Variants in GFPT2 observed in about 807,000 individuals in gnomAD.
The protein encoded by GFPT2 is glutamine--fructose-6-phosphate transaminase 2.
A neutral mutation model predicts 85.6 loss-of-function variants in GFPT2; 62 were observed. That is an observed-to-expected ratio of 0.72 (90% CI 0.59 to 0.90). The LOEUF is 0.90. GFPT2 is among the 40% of genes least tolerant of loss of function. GFPT2 has a pLI of 0.00. For missense variants in GFPT2, 788 were observed against 893.4 expected (o/e 0.88, Z 1.50); for synonymous variants, 368 against 344.5 (o/e 1.07, Z -0.75).
chr5:180,314,031 CCTT>C (rs1763955153), intron 13 of GFPT2, 67 bp from the exon 14 acceptor site: 1 of 1,439,898 alleles, frequency 6.9e-7, no homozygotes, highest in East Asian at 2.6e-5. Flanking sequence ...ACCCCTTCCT[CCTT>C]CACCGCCGGC....
chr5:180,317,195 C>T (rs1561875655), intron 10 of GFPT2, 137 bp from the exon 11 acceptor site: 2 of 684,734 alleles, frequency 2.9e-6, no homozygotes, highest in Admixed American at 2.2e-5. Flanking sequence ...GCCTGACACT[C>T]ACTACCATCA....
intron 1 of GFPT2, among the ~76,000 whole-genome samples, chr5:180,339,985 G>C (rs1352060625): frequency 6.6e-6 from 1 of 152,244 alleles, no homozygotes; most frequent in East Asian, 1.9e-4. Context: ...ACTGTCCTAA[G>C]TTGGCTTGGG....
chr5:180,332,073 G>GA (rs1320270133), intron 4 of GFPT2, among the ~76,000 whole-genome samples: 1 of 152,172 alleles, frequency 6.6e-6, no homozygotes, highest in African/African-American at 2.4e-5. Flanking sequence ...TTCCTTGGGG[G>GA]AAAAATCCCA....
chr5:180,324,452 T>G (rs901398377), intron 8 of GFPT2, 147 bp from the exon 9 acceptor site: 2 of 608,380 alleles, frequency 3.3e-6, no homozygotes, highest in African/African-American at 3.7e-5. Flanking sequence ...GTGTAAAAGA[T>G]CCCCCAATAG....
At chr5:180,338,201 A>G (rs1206198020) in intron 2 of GFPT2, among the ~76,000 whole-genome samples, 1 of 152,224 alleles carries the variant, frequency 6.6e-6, no homozygotes, top group Admixed American at 6.5e-5. Context: ...ACGGCAGAGC[A>G]GCTGTCCAGG....
In GFPT2 at chr5:180,334,878, C is replaced by T. The variant is rs769158930; in HGVS notation, c.340+950G>A. Among the ~76,000 whole-genome samples the T allele has an allele frequency of 5.1e-4, 78 of 152,356 alleles. No individual in the cohort carries two copies. The Middle Eastern group carries it at 0.01, about 20-fold the overall frequency. The stretch of plus-strand genomic sequence containing the variant: ...CTGCATCCCACTGCAGGGGACCCGG[C>T]GCCCTGGGGCTGACCACAGACCCCT... On this transcript the variant is annotated intron_variant, in intron 4 of 18. Coordinates refer to ENST00000253778, the MANE Select transcript of GFPT2 (RefSeq NM_005110.4).
At chr5:180,313,343 G>A (rs1050847361) in intron 14 of GFPT2, among the ~76,000 whole-genome samples, 8 of 151,928 alleles carry the variant, frequency 5.3e-5, no homozygotes, top group African/African-American at 1.7e-4. Flanking sequence ...TGTAATCCCA[G>A]CACTTTGGGA....
rs1364783929 is a variant in GFPT2 at position 180,353,029 on chromosome 5, G to C, written c.7+182C>G. ...CCCACACCTCCGAGACGGCCACTCG[G>C]GGAACGCGGGTGAGGGGCAGCCAGG... On this transcript the variant is annotated intron_variant, in intron 1 of 18. Transcript: ENST00000253778. The C allele has an allele frequency of 4.9e-5, 21 of 425,210 alleles. 1 individual carries two copies. In the South Asian group the frequency reaches 7.3e-4, roughly 15 times the overall value. 26.3% of individuals were successfully genotyped at this position (425,210 alleles called of 1,614,324 possible).
chr5:180,310,965 G>A (rs1475911719), intron 15 of GFPT2, among the ~76,000 whole-genome samples: 2 of 151,610 alleles, frequency 1.3e-5, no homozygotes, highest in Non-Finnish European at 2.9e-5. Context: ...CACTGACTTA[G>A]ACGTCAGAAT....
chr5:180,312,363 C>T (rs1006656658), intron 15 of GFPT2, 67 bp downstream of exon 15: 4 of 853,218 alleles, frequency 4.7e-6, no homozygotes. Flanking sequence ...AGGTGAGAGT[C>T]AACAGAGAAT....
At chr5:180,326,183 G>A (rs1481688191) in intron 7 of GFPT2, among the ~76,000 whole-genome samples, 2 of 152,156 alleles carry the variant, frequency 1.3e-5, no homozygotes, top group Non-Finnish European at 2.9e-5. Flanking sequence ...GGTAACACAT[G>A]CGCTCTAAAC....
At chr5:180,315,385 A>G (rs1303978719) in intron 13 of GFPT2, among the ~76,000 whole-genome samples, 1 of 152,138 alleles carries the variant, frequency 6.6e-6, no homozygotes, top group Non-Finnish European at 1.5e-5. Context: ...TCACTGTGTG[A>G]GCCAGGATGG....
intron 17 of GFPT2, among the ~76,000 whole-genome samples, chr5:180,304,202 G>A (rs1008917995): frequency 1.3e-5 from 2 of 152,152 alleles, no homozygotes; most frequent in Admixed American, 6.5e-5. Context: ...CTTCTTTTGG[G>A]TTGGCTGTGA....
intron 15 of GFPT2, among the ~76,000 whole-genome samples, chr5:180,308,297 T>A (rs1763817424): frequency 6.6e-6 from 1 of 151,274 alleles, no homozygotes; most frequent in South Asian, 2.1e-4. Flanking sequence ...AAACTAACAA[T>A]GAGAAATTTA....
intron 15 of GFPT2, among the ~76,000 whole-genome samples, chr5:180,308,020 G>A (rs902981617): frequency 6.6e-6 from 1 of 152,256 alleles, no homozygotes. Context: ...ACTTTGGAAG[G>A]CTGGGGCAGG....
chr5:180,329,804 G>A (rs183998883), intron 6 of GFPT2, among the ~76,000 whole-genome samples: 1,645 of 152,312 alleles, frequency 0.011, 17 homozygotes, highest in Non-Finnish European at 0.018. Context: ...GCTCTGAGAG[G>A]CCCGGACCCC....
At chr5:180,346,385 G>A (rs974291253) in intron 1 of GFPT2, among the ~76,000 whole-genome samples, 66 of 152,180 alleles carry the variant, frequency 4.3e-4, no homozygotes, top group Non-Finnish European at 8.2e-4. Context: ...GATGGGTCCA[G>A]GACAGGTGCT....
Position 180,330,942 on chromosome 5 carries a change from G to C in GFPT2, c.400-108C>G. On this transcript the variant is annotated intron_variant, in intron 5 of 18. Coordinates refer to ENST00000253778, the MANE Select transcript of GFPT2 (RefSeq NM_005110.4). The surrounding 1 kb of genome is among the most constrained non-coding windows in gnomAD (Gnocchi z 4.4). ...CTGCCCTTGGAGTGACTTAAGTCAA[G>C]AACAGGGAAAACCGGGAAGGGGGGA... 4.9e-6 allele frequency: 5 copies of C among 1,019,548 alleles called. No homozygotes were observed. Among genetic ancestry groups the C allele is most frequent in the Non-Finnish European group, 7.2e-6 (5 of 693,336 alleles). The allele number at this position is 1,019,548 out of a possible 1,614,324, so 63.2% of individuals were successfully genotyped here.
rs181521108 is a variant in GFPT2 at position 180,342,655 on chromosome 5, G to T, written c.8-4055C>A. On this transcript the variant is annotated intron_variant, in intron 1 of 18. Transcript: ENST00000253778. ...AGTGGCTCACGCCTGTAATCCTAGCGCTTTGGGAGGCCAAGCTGGACAGAT... is the reference window on the plus strand; with the variant it reads ...AGTGGCTCACGCCTGTAATCCTAGCTCTTTGGGAGGCCAAGCTGGACAGAT... Among the ~76,000 whole-genome samples, 3 of 152,046 alleles carry T rather than the reference G, an allele frequency of 2.0e-5. 1 individual carries two copies. The highest frequency in any genetic ancestry group is 2.0e-4 in the Admixed American group (3 of 15,272).
Sources: gnomAD v4.1 joint callset for allele counts (sites outside exome capture counted in the v4.1 genomes callset) on GRCh38, gnomAD v4.1.1 for gene constraint, Gnocchi (gnomAD v3.1) non-coding constraint, MANE v1.5 for transcripts, NCBI Gene and HGNC (gene_info 2026-07-23, HGNC 2026-07-21) for gene names.